Variants in GSE1 observed in about 807,000 individuals in gnomAD.
The protein encoded by GSE1 is Gse1 coiled-coil protein.
In GSE1, 32 loss-of-function variants were observed where a neutral mutation model predicts 112.6. That is an observed-to-expected ratio of 0.28 (90% CI 0.21 to 0.38). The LOEUF is 0.38. Among genes scored for constraint, GSE1 ranks in the 10% least tolerant of loss-of-function variants. The pLI, the probability that GSE1 is intolerant of heterozygous loss-of-function variation, is 1.00. For synonymous variants in GSE1, 1,115 were observed against 735.6 expected, an observed-to-expected ratio of 1.52 and a Z score of -8.35; for missense variants, 2,348 against 1,699.2, an observed-to-expected ratio of 1.38 and a Z score of -6.71.
intron 2 of GSE1, among the ~76,000 whole-genome samples, chr16:85,541,585 C>A (rs2044520945): frequency 6.6e-6 from 1 of 152,182 alleles, no homozygotes; most frequent in African/African-American, 2.4e-5. Flanking sequence ...CAAGGCAGGG[C>A]CACGGGCACA....
chr16:85,464,070 G>C (rs1450815680), intron 2 of GSE1, among the ~76,000 whole-genome samples: 1 of 152,152 alleles, frequency 6.6e-6, no homozygotes, highest in East Asian at 1.9e-4. Flanking sequence ...CAGGCCAGCA[G>C]CGGGGGGACG....
chr16:85,648,700 C>T lies in GSE1; in HGVS notation c.375C>T (p.Thr125=). Residue 125 remains threonine (T), a synonymous_variant, in exon 3 of 16, where the codon ACC becomes ACT. Transcript: ENST00000253458. ...HSVPSTPPVV[T]IAPTKTVNGV... ...TGCCCAGCACCCCCCCCGTGGTGAC[C>T]ATCGCTCCAACCAAAACCGTGAATG... 1 of 1,608,828 alleles carries T rather than the reference C, an allele frequency of 6.2e-7. No individual in the cohort carries two copies. Among genetic ancestry groups the T allele is most frequent in the Non-Finnish European group, 8.5e-7 (1 of 1,177,904 alleles).
chr16:85,331,549 A>ATATATGTG (rs752130482), intron 1 of GSE1, among the ~76,000 whole-genome samples: 3 of 95,344 alleles, frequency 3.1e-5, no homozygotes, highest in African/African-American at 1.4e-4. Flanking sequence ...ATATGTGTGT[A>ATATATGTG]TATATGTGTA....
chr16:85,567,534 G>T (rs555416333), intron 1 of GSE1, among the ~76,000 whole-genome samples: 1 of 152,346 alleles, frequency 6.6e-6, no homozygotes, highest in South Asian at 2.1e-4. Flanking sequence ...TGGCCCCTCA[G>T]TGTGGCATGA....
chr16:85,189,121 T>C (rs1436658118), intron 1 of GSE1, among the ~76,000 whole-genome samples: 1 of 152,214 alleles, frequency 6.6e-6, no homozygotes, highest in Non-Finnish European at 1.5e-5. Flanking sequence ...TGACACATGC[T>C]CTTTCTTTCA....
chr16:85,491,904 C>A (rs972820310), intron 2 of GSE1, among the ~76,000 whole-genome samples: 1 of 152,162 alleles, frequency 6.6e-6, no homozygotes, highest in African/African-American at 2.4e-5. Flanking sequence ...CACATGGCTC[C>A]ATTCATGTGG....
chr16:85,603,176 A>G (rs1208985664), intron 1 of GSE1, among the ~76,000 whole-genome samples: 4 of 152,234 alleles, frequency 2.6e-5, no homozygotes, highest in African/African-American at 7.2e-5. Flanking sequence ...TGAGGACAAA[A>G]ATAGGTCTGC....
chr16:85,205,765 G>A (rs1430637137), intron 1 of GSE1, among the ~76,000 whole-genome samples: 1 of 152,172 alleles, frequency 6.6e-6, no homozygotes, highest in Non-Finnish European at 1.5e-5. Flanking sequence ...GGACCCAGGG[G>A]CCCATCTGTG....
intron 1 of GSE1, among the ~76,000 whole-genome samples, chr16:85,173,054 C>T (rs1001576343): frequency 3.3e-5 from 5 of 152,174 alleles, no homozygotes; most frequent in East Asian, 1.9e-4. Context: ...CGTCGTCTCC[C>T]GTCACAGATG....
intron 8 of GSE1, 45 bp downstream of exon 8, chr16:85,657,649 C>G: frequency 7.4e-7 from 1 of 1,354,682 alleles, no homozygotes; most frequent in South Asian, 1.5e-5. Context: ...CTTCACGTTC[C>G]GATTTGTTCA....
intron 1 of GSE1, among the ~76,000 whole-genome samples, chr16:85,275,544 G>A (rs958397840): frequency 2.0e-5 from 3 of 152,226 alleles, no homozygotes; most frequent in Admixed American, 2.0e-4. Flanking sequence ...AGTGAAAAGA[G>A]AAGATTCCGG....
chr16:85,362,995 C>A (rs1321074681), intron 2 of GSE1, among the ~76,000 whole-genome samples: 3 of 152,032 alleles, frequency 2.0e-5, no homozygotes, highest in African/African-American at 7.3e-5. Context: ...TCCACCATGC[C>A]CAGCTAATTT....
intron 1 of GSE1, among the ~76,000 whole-genome samples, chr16:85,339,018 C>T (rs1364229891): frequency 1.3e-5 from 2 of 152,166 alleles, no homozygotes; most frequent in East Asian, 1.9e-4. Context: ...GGACTCGCAG[C>T]TGGGCATGTT....
intron 1 of GSE1, among the ~76,000 whole-genome samples, chr16:85,353,991 G>T (rs775586450): frequency 3.9e-5 from 6 of 152,160 alleles, no homozygotes; most frequent in Non-Finnish European, 8.8e-5. Flanking sequence ...TGCCTCTGGC[G>T]CCTTGTGCAG....
intron 1 of GSE1, among the ~76,000 whole-genome samples, chr16:85,312,245 A>G (rs1209248212): frequency 6.7e-6 from 1 of 149,206 alleles, no homozygotes; most frequent in Non-Finnish European, 1.5e-5. Flanking sequence ...CCCTAAACAC[A>G]ACTGAGTGCC....
rs565112913 is a variant in GSE1, at chr16:85,532,225, C to T, written c.2465-101689C>T. Among the ~76,000 whole-genome samples, 6 of 152,206 alleles carry T rather than the reference C, an allele frequency of 3.9e-5. No individual in the cohort carries two copies. In the East Asian group the frequency reaches 1.2e-3, roughly 29 times the overall value. On this transcript the variant is annotated intron_variant, in intron 2 of 2. Transcript: ENST00000637419. ...GGAAACTGAGGCACGTAGGAGTATGCCTAAGGCTGCACAGCTAAAATGTGG... is the reference window on the plus strand; with the variant it reads ...GGAAACTGAGGCACGTAGGAGTATGTCTAAGGCTGCACAGCTAAAATGTGG...
intron 2 of GSE1, among the ~76,000 whole-genome samples, chr16:85,643,367 G>C (rs74034004): frequency 6.6e-6 from 1 of 152,204 alleles, no homozygotes; most frequent in African/African-American, 2.4e-5. Flanking sequence ...TGGGGGCATC[G>C]ATCGAGGCTG....
chr16:85,183,529 T>A (rs941519191), intron 1 of GSE1, among the ~76,000 whole-genome samples: 1 of 152,242 alleles, frequency 6.6e-6, no homozygotes, highest in African/African-American at 2.4e-5. Context: ...CTCTGGGTTC[T>A]CATCTGTGAC....
rs1000350220 is a variant in GSE1 at position 85,676,179 on chromosome 16, A to G, written c.*3640A>G. ...TGCTGTAATTTCTGACAACATCCAA[A>G]AAATAAAATCTTCCTAAATTATGTT... On this transcript the variant is annotated 3_prime_UTR_variant, in exon 16 of 16. Transcript: ENST00000253458. The G allele has an allele frequency of 1.3e-5, 2 of 152,694 alleles. No individual in the cohort carries two copies. Among genetic ancestry groups the G allele is most frequent in the Non-Finnish European group, 2.9e-5 (2 of 68,048 alleles). 9.5% of individuals were successfully genotyped at this position (152,694 alleles called of 1,614,324 possible).
Sources: gnomAD v4.1 joint callset for allele counts (sites outside exome capture counted in the v4.1 genomes callset) on GRCh38, gnomAD v4.1.1 for gene constraint, MANE v1.5 for transcripts, NCBI Gene and HGNC (gene_info 2026-07-23, HGNC 2026-07-21) for gene names.